The following MBD5 variants were observed in gnomAD, a reference collection of about 807,000 sequenced individuals.
MBD5 encodes the protein methyl-CpG-binding domain protein 5.
In MBD5, 13 loss-of-function variants were observed where a neutral mutation model predicts 117.3. The ratio of observed to expected loss-of-function variants is 0.11; its 90% CI spans 0.07 to 0.18. The LOEUF is 0.18. MBD5 is among the 10% of genes least tolerant of loss of function. The pLI is 1.00. For missense variants in MBD5, 1,879 were observed against 2,093.8 expected (o/e 0.90, Z 2.00); for synonymous variants, 727 against 766.4 (o/e 0.95, Z 0.85).
intron 4 of MBD5, among the ~76,000 whole-genome samples, chr2:148,426,441 T>C (rs1051398365): frequency 2.6e-5 from 4 of 151,882 alleles, no homozygotes; most frequent in African/African-American, 9.7e-5. Flanking sequence ...ATGGTACTGG[T>C]ACCAAAACAG....
chr2:148,418,600 A>G (rs1705499585), intron 4 of MBD5, among the ~76,000 whole-genome samples: 1 of 152,206 alleles, frequency 6.6e-6, no homozygotes, highest in Non-Finnish European at 1.5e-5. Context: ...TGAGGATCAA[A>G]TTGAGAATTC....
chr2:148,036,734 T>C (rs975489673), intron 1 of MBD5, among the ~76,000 whole-genome samples: 2 of 152,076 alleles, frequency 1.3e-5, no homozygotes, highest in African/African-American at 4.8e-5. Flanking sequence ...TCATTTCTAT[T>C]AAGTGATTCC....
chr2:148,493,825 A>C (rs1415119674), intron 11 of MBD5, among the ~76,000 whole-genome samples: 1 of 152,208 alleles, frequency 6.6e-6, no homozygotes, highest in Non-Finnish European at 1.5e-5. Context: ...CGAATACTGT[A>C]TAAACACAGT....
intron 3 of MBD5, among the ~76,000 whole-genome samples, chr2:148,257,231 C>G (rs925364208): frequency 1.3e-5 from 2 of 152,240 alleles, no homozygotes; most frequent in Non-Finnish European, 2.9e-5. Flanking sequence ...AATAGGCGCC[C>G]CTGGTCCACT....
intron 3 of MBD5, among the ~76,000 whole-genome samples, chr2:148,324,434 G>T (rs1266564019): frequency 1.3e-5 from 2 of 152,148 alleles, no homozygotes; most frequent in African/African-American, 2.4e-5. Flanking sequence ...GGGCAGTATG[G>T]CCATTTTCAC....
intron 3 of MBD5, among the ~76,000 whole-genome samples, chr2:148,253,707 A>G (rs997994485): frequency 3.9e-5 from 6 of 152,126 alleles, no homozygotes; most frequent in African/African-American, 1.4e-4. Flanking sequence ...CTGGAAAAAC[A>G]CTCAAGGAAT....
intron 4 of MBD5, among the ~76,000 whole-genome samples, chr2:148,418,267 C>T (rs896371922): frequency 2.0e-5 from 3 of 152,072 alleles, no homozygotes; most frequent in Non-Finnish European, 4.4e-5. Flanking sequence ...ATGATTATTT[C>T]TTTTGCTGTG....
At chr2:148,279,831 G>A (rs891381619) in intron 3 of MBD5, among the ~76,000 whole-genome samples, 14 of 151,958 alleles carry the variant, frequency 9.2e-5, no homozygotes, top group African/African-American at 2.2e-4. Context: ...GAGTGCAGTG[G>A]CTATTCACAG....
chr2:148,382,855 A>G (rs1363681899), intron 4 of MBD5, among the ~76,000 whole-genome samples: 3 of 152,012 alleles, frequency 2.0e-5, no homozygotes, highest in Non-Finnish European at 2.9e-5. Context: ...CTGAATGACT[A>G]CTGGGTACAT....
chr2:148,024,612 G>T (rs535401159), intron 1 of MBD5, among the ~76,000 whole-genome samples: 1 of 152,068 alleles, frequency 6.6e-6, no homozygotes, highest in South Asian at 2.1e-4. Flanking sequence ...GTCCTCCCTT[G>T]CCACAATTTT....
intron 4 of MBD5, among the ~76,000 whole-genome samples, chr2:148,407,703 G>C (rs1049582556): frequency 1.2e-4 from 19 of 152,052 alleles, no homozygotes; most frequent in Admixed American, 2.6e-4. Flanking sequence ...TTCATTATGA[G>C]TGAGAAATGA....
At chr2:148,158,703 T>TTTTG (rs145054978) in intron 1 of MBD5, among the ~76,000 whole-genome samples, 4 of 151,758 alleles carry the variant, frequency 2.6e-5, no homozygotes, top group African/African-American at 7.2e-5. Flanking sequence ...TTCCTGTAAT[T>TTTTG]TTTGTTTGTT....
chr2:148,379,605 A>G (rs1483627968), intron 4 of MBD5, among the ~76,000 whole-genome samples: 2 of 152,142 alleles, frequency 1.3e-5, no homozygotes, highest in Non-Finnish European at 1.5e-5. Flanking sequence ...GGCAAATGTG[A>G]GTAAATCCAA....
chr2:148,343,259 GAAC>G (rs1256982531), intron 4 of MBD5, among the ~76,000 whole-genome samples: 1 of 152,010 alleles, frequency 6.6e-6, no homozygotes, highest in Non-Finnish European at 1.5e-5. Context: ...CTTTTTGGGA[GAAC>G]AATTTGTTTG....
chr2:148,395,456 A>C (rs1574377018), intron 4 of MBD5, among the ~76,000 whole-genome samples: 6 of 120,978 alleles, frequency 5.0e-5, no homozygotes, highest in Admixed American at 9.8e-5. Flanking sequence ...ACAGAGTCTC[A>C]CTCTGTTGCC....
chr2:148,307,251 A>T (rs902425063), intron 3 of MBD5, among the ~76,000 whole-genome samples: 5 of 110,016 alleles, frequency 4.5e-5, no homozygotes, highest in Non-Finnish European at 1.1e-4. Context: ...AATTGAAAAC[A>T]AACAGACTAG....
chr2:148,344,382 G>A (rs760842861), intron 4 of MBD5, among the ~76,000 whole-genome samples: 7 of 151,856 alleles, frequency 4.6e-5, no homozygotes, highest in Non-Finnish European at 1.0e-4. Flanking sequence ...TAGCAATAGC[G>A]TTTAATCTGT....
intron 2 of MBD5, among the ~76,000 whole-genome samples, chr2:148,203,650 T>G (rs781622630): frequency 2.0e-5 from 3 of 152,176 alleles, no homozygotes; most frequent in Non-Finnish European, 4.4e-5. Context: ...GAAGGTAATC[T>G]CCGCTGCAAC....
intron 4 of MBD5, among the ~76,000 whole-genome samples, chr2:148,400,358 A>G (rs780303108): frequency 1.6e-4 from 25 of 152,142 alleles, no homozygotes; most frequent in Admixed American, 3.3e-4. Context: ...ATTCTCTATT[A>G]CCAGTGCTTA....
Sources: gnomAD v4.1 joint callset for allele counts (sites outside exome capture counted in the v4.1 genomes callset) on GRCh38, gnomAD v4.1.1 for gene constraint, MANE v1.5 for transcripts, NCBI Gene and HGNC (gene_info 2026-07-23, HGNC 2026-07-21) for gene names.